The following ANK3 variants were observed in gnomAD, a reference collection of about 807,000 sequenced individuals.
The protein encoded by ANK3 is ankyrin 3, also known as ankyrin-3.
ANK3 carries 57 observed loss-of-function variants against 370.9 expected under a neutral mutation model. The ratio of observed to expected loss-of-function variants is 0.15; its 90% confidence interval spans 0.12 to 0.19. The LOEUF is 0.19. ANK3 is among the 10% of genes least tolerant of loss of function. The pLI is 1.00. For missense variants in ANK3, 4,439 were observed against 5,302.1 expected, an observed-to-expected ratio of 0.84 and a Z score of 5.06; for synonymous variants, 1,929 against 1,946.3, an observed-to-expected ratio of 0.99 and a Z score of 0.23.
chr10:60,449,996 G>A (rs146317161), intron 2 of ANK3, among the ~76,000 whole-genome samples: 1 of 122,478 alleles, frequency 8.2e-6, no homozygotes, highest in East Asian at 2.6e-4. Flanking sequence ...AAAGAGAAAA[G>A]AGAGAGAAAA....
chr10:60,569,007 T>A (rs1651926812), intron 2 of ANK3, among the ~76,000 whole-genome samples: 1 of 152,072 alleles, frequency 6.6e-6, no homozygotes, highest in Non-Finnish European at 1.5e-5. Context: ...TCTCTAGAAC[T>A]GTGAGAAAAT....
chr10:60,422,791 CAGTCAAAATA>C (rs1165122674), intron 2 of ANK3, among the ~76,000 whole-genome samples: 1 of 152,056 alleles, frequency 6.6e-6, no homozygotes, highest in Non-Finnish European at 1.5e-5. Context: ...AAAACGTTCT[CAGTCAAAATA>C]ATCATACTAA....
intron 1 of ANK3, among the ~76,000 whole-genome samples, chr10:60,714,604 C>T (rs1343634600): frequency 6.6e-6 from 1 of 152,130 alleles, no homozygotes; most frequent in Non-Finnish European, 1.5e-5. Context: ...TGGGATTCAT[C>T]ACATCAAAAG....
chr10:60,144,562 G>A (rs2094720282), intron 23 of ANK3, among the ~76,000 whole-genome samples: 1 of 152,138 alleles, frequency 6.6e-6, no homozygotes, highest in African/African-American at 2.4e-5. Flanking sequence ...CAGTTCAGAG[G>A]CATTTTACTT....
At chr10:60,684,447 A>G in intron 1 of ANK3, 1 of 977,826 alleles carries the variant, frequency 1.0e-6, no homozygotes, top group African/African-American at 1.6e-5. Flanking sequence ...TACGAAGAGA[A>G]GTCCTAAGGC....
chr10:60,586,045 C>CAAAA, intron 2 of ANK3, among the ~76,000 whole-genome samples: 1 of 149,020 alleles, frequency 6.7e-6, no homozygotes, highest in South Asian at 2.1e-4. Flanking sequence ...CAAAAACAAA[C>CAAAA]AAACAAAAAA....
At chr10:60,551,066 T>A (rs965199498) in intron 2 of ANK3, among the ~76,000 whole-genome samples, 7 of 152,152 alleles carry the variant, frequency 4.6e-5, no homozygotes, top group African/African-American at 1.7e-4. Flanking sequence ...GTCATGATAC[T>A]GGCTCTATTT....
chr10:60,273,831 G>A (rs1454656781), intron 4 of ANK3, among the ~76,000 whole-genome samples: 2 of 152,132 alleles, frequency 1.3e-5, no homozygotes, highest in Non-Finnish European at 2.9e-5. Flanking sequence ...AAGCTCTCTT[G>A]CCTGCCACCA....
intron 2 of ANK3, among the ~76,000 whole-genome samples, chr10:60,603,727 G>T (rs1225666745): frequency 6.6e-6 from 1 of 152,074 alleles, no homozygotes; most frequent in Non-Finnish European, 1.5e-5. Context: ...AACCCAGACT[G>T]CAATTTTGCC....
intron 1 of ANK3, among the ~76,000 whole-genome samples, chr10:60,356,546 A>G (rs1196396513): frequency 6.6e-6 from 1 of 152,114 alleles, no homozygotes; most frequent in African/African-American, 2.4e-5. Context: ...CAGTAGCTGG[A>G]GGTTAGAACA....
At chr10:60,581,327 T>C (rs1351805422) in intron 2 of ANK3, among the ~76,000 whole-genome samples, 2 of 152,076 alleles carry the variant, frequency 1.3e-5, no homozygotes, top group East Asian at 1.9e-4. Flanking sequence ...TGTGCATTTA[T>C]CTGATGATTA....
intron 2 of ANK3, among the ~76,000 whole-genome samples, chr10:60,553,697 T>C (rs535636187): frequency 6.6e-6 from 1 of 152,290 alleles, no homozygotes; most frequent in Non-Finnish European, 1.5e-5. Context: ...AGGTGAAAAC[T>C]GAAATCAGTA....
chr10:60,560,842 T>C (rs2077319451), intron 2 of ANK3, among the ~76,000 whole-genome samples: 1 of 152,186 alleles, frequency 6.6e-6, no homozygotes, highest in South Asian at 2.1e-4. Context: ...ATTCACTTAA[T>C]TACCTGTAAT....
At chr10:60,301,260 GCACGCACACATATACA>G (rs1173556010) in intron 1 of ANK3, among the ~76,000 whole-genome samples, 4 of 140,608 alleles carry the variant, frequency 2.8e-5, no homozygotes, top group Middle Eastern at 3.8e-3. Context: ...ACACACACAT[GCACGCACACATATACA>G]CACGCACACA....
chr10:60,323,987 G>C (rs557904855), intron 1 of ANK3, among the ~76,000 whole-genome samples: 268 of 152,288 alleles, frequency 1.8e-3, no homozygotes, highest in African/African-American at 6.1e-3. Flanking sequence ...GAGAGGGTTC[G>C]TGAGGGACCC....
chr10:60,680,152 G>A (rs1467392697), intron 1 of ANK3, among the ~76,000 whole-genome samples: 1 of 137,312 alleles, frequency 7.3e-6, no homozygotes, highest in African/African-American at 2.6e-5. Flanking sequence ...AAAAAAAAAG[G>A]AAAGAAAGAA....
intron 7 of ANK3, among the ~76,000 whole-genome samples, chr10:60,261,455 T>A (rs116196515): frequency 0.01 from 1,555 of 152,276 alleles, 42 homozygotes; most frequent in African/African-American, 0.036. Flanking sequence ...AGTTTAGGCC[T>A]CACCCAGGTA....
chr10:60,632,107 A>G (rs777483801), intron 1 of ANK3, among the ~76,000 whole-genome samples: 3 of 152,180 alleles, frequency 2.0e-5, no homozygotes, highest in African/African-American at 7.2e-5. Context: ...TCTGCTATCA[A>G]CTGCTAACTT....
rs567612007 is a variant in ANK3, at chr10:60,548,480, C to T, written c.96+66706G>A. On this transcript the variant is annotated intron_variant, in intron 2 of 43. Coordinates refer to the ANK3 transcript ENST00000373827. ...GGCCAGGCTGGTCTCGAACTCCTGA[C>T]CTCAAGTGATCTGCCCACCTTGGCC... Among the ~76,000 whole-genome samples, 24 of 151,974 alleles carry T rather than the reference C, an allele frequency of 1.6e-4. No homozygotes were observed. The East Asian group carries it at 4.1e-3, about 26-fold the overall frequency.
Sources: gnomAD v4.1 joint callset for allele counts (sites outside exome capture counted in the v4.1 genomes callset) on GRCh38, gnomAD v4.1.1 for gene constraint, MANE v1.5 for transcripts, NCBI Gene and HGNC (gene_info 2026-07-23, HGNC 2026-07-21) for gene names.